Variants in THSD4 observed in about 807,000 individuals in gnomAD.
THSD4 encodes the protein thrombospondin type-1 domain-containing protein 4.
THSD4 carries 69 observed loss-of-function variants against 119.0 expected under a neutral mutation model. The observed-to-expected ratio is 0.58, with a 90% CI of 0.48 to 0.71. THSD4 has a LOEUF of 0.71. THSD4 is among the 30% of genes least tolerant of loss of function. The probability of loss-of-function intolerance (pLI) is 0.00; values close to 1 mark genes in which losing one functional copy is unlikely to be tolerated. For synonymous variants in THSD4, 524 were observed against 540.4 expected (o/e 0.97, Z 0.42); for missense variants, 1,393 against 1,391.1 (o/e 1.00, Z -0.02).
chr15:71,239,769 G>A (rs1413887804), intron 4 of THSD4, among the ~76,000 whole-genome samples: 2 of 152,212 alleles, frequency 1.3e-5, no homozygotes, highest in African/African-American at 4.8e-5. Context: ...AATCTCCCCA[G>A]TTCCGTGGAG....
Position 71,768,824 on chromosome 15 carries a change from C to T in THSD4, c.2770-2240C>T, listed in dbSNP as rs373200823. Among the ~76,000 whole-genome samples the T allele has an allele frequency of 2.1e-4, 31 of 149,964 alleles. No homozygotes were observed. The East Asian group carries it at 6.1e-3, about 30-fold the overall frequency. ...TCCTCAGCTTCTGACCTGCTCTGCCCGCCTCTGCCTCCCAAAGTGCTGGGA... is the reference window on the plus strand; with the variant it reads ...TCCTCAGCTTCTGACCTGCTCTGCCTGCCTCTGCCTCCCAAAGTGCTGGGA... On this transcript the variant is annotated intron_variant, in intron 16 of 17. Transcript: ENST00000261862.
chr15:71,670,767 T>C (rs1375914440), intron 8 of THSD4, among the ~76,000 whole-genome samples: 1 of 152,002 alleles, frequency 6.6e-6, no homozygotes, highest in Non-Finnish European at 1.5e-5. Flanking sequence ...GTCCTTGCAA[T>C]AGTTTGCTCA....
At chr15:71,162,732 TTTC>T (rs1185942253) in intron 3 of THSD4, among the ~76,000 whole-genome samples, 5 of 152,068 alleles carry the variant, frequency 3.3e-5, no homozygotes, top group Non-Finnish European at 7.4e-5. Context: ...CCTTTCTCCA[TTTC>T]TTCTCCTTCT....
upstream of THSD4, chr15:71,113,488 C>G (rs1296911409): frequency 6.6e-6 from 1 of 152,210 alleles, no homozygotes; most frequent in Non-Finnish European, 1.5e-5. Flanking sequence ...AAAACCACAT[C>G]CTTTGCTCCT....
intron 7 of THSD4, among the ~76,000 whole-genome samples, chr15:71,432,974 A>T (rs1055027138): frequency 7.9e-5 from 12 of 151,906 alleles, no homozygotes; most frequent in Non-Finnish European, 1.8e-4. Context: ...GGTAGTTTTG[A>T]TTACATATTC....
intron 8 of THSD4, among the ~76,000 whole-genome samples, chr15:71,713,353 C>T (rs756327213): frequency 2.0e-5 from 3 of 152,178 alleles, no homozygotes; most frequent in Non-Finnish European, 4.4e-5. Context: ...CTCCTAGTAT[C>T]CTCTGCAGGG....
intron 11 of THSD4, 116 bp downstream of exon 11, chr15:71,738,123 A>C (rs1452746384): frequency 7.3e-7 from 1 of 1,374,076 alleles, no homozygotes; most frequent in Non-Finnish European, 9.8e-7. Flanking sequence ...TTCGTGGAAG[A>C]CGATTTCTCC....
At chr15:71,569,189 C>T (rs1358452174) in intron 7 of THSD4, among the ~76,000 whole-genome samples, 4 of 152,204 alleles carry the variant, frequency 2.6e-5, no homozygotes. Context: ...AGCGGAGATT[C>T]TGCCCTCTGA....
At chr15:71,591,723 C>G (rs4471635) in intron 7 of THSD4, among the ~76,000 whole-genome samples, 143,329 of 151,062 alleles carry the variant, frequency 0.95, 68,466 homozygotes, top group Middle Eastern at 1. Flanking sequence ...GTTCAGACTG[C>G]GGCCAGATTT....
intron 6 of THSD4, among the ~76,000 whole-genome samples, chr15:71,371,801 A>G (rs1321352232): frequency 6.6e-6 from 1 of 152,020 alleles, no homozygotes; most frequent in Admixed American, 6.6e-5. Context: ...CATTCTCTGT[A>G]TTTCCTGAAT....
chr15:71,239,455 G>C (rs774644677), intron 4 of THSD4, among the ~76,000 whole-genome samples: 121 of 152,226 alleles, frequency 7.9e-4, no homozygotes, highest in Non-Finnish European at 3.7e-4. Flanking sequence ...AGCAGAGCTG[G>C]GATTCAAACC....
intron 6 of THSD4, among the ~76,000 whole-genome samples, chr15:71,400,467 C>T (rs2046513170): frequency 6.6e-6 from 1 of 152,128 alleles, no homozygotes. Flanking sequence ...AAATAGTAAT[C>T]ATCTGAGTCT....
At chr15:71,508,907 C>A (rs1386628374) in intron 7 of THSD4, among the ~76,000 whole-genome samples, 5 of 146,002 alleles carry the variant, frequency 3.4e-5, no homozygotes, top group East Asian at 2.0e-4. Flanking sequence ...ATTCTTTGAG[C>A]GTGATGCAAA....
intron 4 of THSD4, among the ~76,000 whole-genome samples, chr15:71,240,230 C>T (rs891564020): frequency 6.6e-6 from 1 of 152,194 alleles, no homozygotes; most frequent in Non-Finnish European, 1.5e-5. Context: ...AAGCTCAAGT[C>T]AGTTTTGGTT....
intron 14 of THSD4, among the ~76,000 whole-genome samples, chr15:71,751,732 A>G (rs1254503556): frequency 6.6e-6 from 1 of 152,036 alleles, no homozygotes; most frequent in Non-Finnish European, 1.5e-5. Context: ...CAGTGGCACA[A>G]TCATGGCTCA....
intron 3 of THSD4, among the ~76,000 whole-genome samples, chr15:71,162,515 G>A (rs1355942683): frequency 6.6e-6 from 1 of 151,996 alleles, no homozygotes; most frequent in Non-Finnish European, 1.5e-5. Context: ...GTCTAACGGA[G>A]ATACTCTTGT....
chr15:71,489,854 CACAT>C (rs2047886311), intron 7 of THSD4, among the ~76,000 whole-genome samples: 2 of 151,942 alleles, frequency 1.3e-5, no homozygotes, highest in African/African-American at 2.4e-5. Flanking sequence ...GAAAATAAAA[CACAT>C]ACCCATTATA....
upstream of THSD4, chr15:71,112,316 G>C: frequency 7.6e-7 from 1 of 1,315,178 alleles, no homozygotes; most frequent in Non-Finnish European, 1.0e-6. Flanking sequence ...GAATGAAGGG[G>C]GGTACTATTA....
At chr15:71,532,283 A>AGAGTGTGTGT (rs1379506089) in intron 7 of THSD4, among the ~76,000 whole-genome samples, 12 of 101,646 alleles carry the variant, frequency 1.2e-4, no homozygotes, top group South Asian at 8.1e-4. Context: ...AGAGAGAGAG[A>AGAGTGTGTGT]GTGTGTGTGT....
Sources: allele counts gnomAD v4.1 joint callset (sites outside exome capture counted in the v4.1 genomes callset), GRCh38; gene constraint gnomAD v4.1.1; transcripts MANE v1.5; gene names NCBI Gene and HGNC (gene_info 2026-07-23, HGNC 2026-07-21).